The following CTTNBP2 variants were observed in gnomAD, a reference collection of about 807,000 sequenced individuals.
CTTNBP2 encodes cortactin binding protein 2.
In CTTNBP2, 108 loss-of-function variants were observed where a neutral mutation model predicts 156.9. The ratio of observed to expected loss-of-function variants is 0.69; its 90% CI spans 0.59 to 0.81. The LOEUF is 0.81. Among genes scored for constraint, CTTNBP2 ranks in the 30% least tolerant of loss-of-function variants. The pLI is 0.00. For missense variants in CTTNBP2, 1,924 were observed against 2,035.4 expected (o/e 0.95, Z 1.05); for synonymous variants, 767 against 751.8 (o/e 1.02, Z -0.33).
At chr7:117,724,805 A>T (rs1261996224) in intron 18 of CTTNBP2, 73 bp from the exon 19 acceptor site, 1 of 1,519,648 alleles carries the variant, frequency 6.6e-7, no homozygotes, top group Non-Finnish European at 9.0e-7. Context: ...CCGTTTCTCA[A>T]AGATACGGAC....
intron 22 of CTTNBP2, among the ~76,000 whole-genome samples, 157 bp from the exon 23 acceptor site, chr7:117,711,939 T>C (rs1028009909): frequency 1.3e-5 from 2 of 152,218 alleles, no homozygotes; most frequent in Non-Finnish European, 2.9e-5. Context: ...AGCTGAGTAA[T>C]TAATTTCCTA....
chr7:117,713,080 T>G (rs1016275901), intron 22 of CTTNBP2, among the ~76,000 whole-genome samples: 1 of 152,186 alleles, frequency 6.6e-6, no homozygotes, highest in Non-Finnish European at 1.5e-5. Flanking sequence ...GTGAGGGGTC[T>G]AGGTTGCCCA....
chr7:117,711,744 G>C lies in CTTNBP2; in HGVS notation c.4785C>G (p.Cys1595Trp), dbSNP rs1249382056. 6.2e-7 allele frequency: 1 copy of C among 1,613,724 alleles called. No individual in the cohort carries two copies. The highest frequency in any genetic ancestry group is 1.7e-5 in the Admixed American group (1 of 59,968). Residue 1595 changes from cysteine to tryptophan, a missense_variant, in exon 23 of 23, where the codon TGC becomes TGG. Transcript: ENST00000160373. ...SPLSSHQTTECSNSKSKTELG... is the reference protein window; with the variant it reads ...SPLSSHQTTEWSNSKSKTELG... ...ACTCAGTCTTTGATTTACTGTTGCT[G>C]CATTCAGTAGTTTGATGGCTGCTGA...
In CTTNBP2 at chr7:117,873,338, CGCCTCCGCCGCG is replaced by C; in HGVS notation, c.66_77del (p.Ala24_Ala27del). 1 of 1,445,568 alleles carries C rather than the reference CGCCTCCGCCGCG, an allele frequency of 6.9e-7. No homozygotes were observed. The highest frequency in any genetic ancestry group is 1.5e-5 in the African/African-American group (1 of 67,670). 89.5% of individuals were successfully genotyped at this position (1,445,568 alleles called of 1,614,324 possible). A position where few individuals can be genotyped will look rare whatever the true frequency, so the allele number is the denominator to read the frequency against. On this transcript the variant is annotated inframe_deletion, in exon 1 of 23. Transcript: ENST00000160373. ...CCCGCCCCGGGAACTCGGTTACCGC[CGCCTCCGCCGCG>C]GCCCCCGCCGCGTCCTCCGGGGCCC...
At chr7:117,744,499 G>A (rs754078250) in intron 14 of CTTNBP2, among the ~76,000 whole-genome samples, 3 of 152,126 alleles carry the variant, frequency 2.0e-5, no homozygotes, top group Non-Finnish European at 2.9e-5. Flanking sequence ...CCGTGTTGTT[G>A]CAAATGACAG....
intron 19 of CTTNBP2, among the ~76,000 whole-genome samples, chr7:117,722,204 T>A (rs1003039374): frequency 6.6e-6 from 1 of 151,576 alleles, no homozygotes; most frequent in African/African-American, 2.4e-5. Flanking sequence ...TGTCTCTTTA[T>A]CAAATTTGAT....
At chr7:117,822,116 AT>A (rs934481952) in intron 2 of CTTNBP2, among the ~76,000 whole-genome samples, 1 of 152,104 alleles carries the variant, frequency 6.6e-6, no homozygotes, top group African/African-American at 2.4e-5. Flanking sequence ...TCCTTCCTGT[AT>A]TAGTTTTATA....
intron 1 of CTTNBP2, among the ~76,000 whole-genome samples, chr7:117,864,797 C>CAATATATATTCATATATATTCATTCAATA (rs766176284): frequency 5.1e-4 from 41 of 80,010 alleles, no homozygotes; most frequent in African/African-American, 7.6e-4. Flanking sequence ...TATATTCATT[C>CAATATATATTCATATATATTCATTCAATA]TATATTCATA....
In CTTNBP2 at chr7:117,784,262, T is replaced by C. The variant is rs1322768357; in HGVS notation, c.2261A>G (p.Asn754Ser). Residue 754 changes from asparagine (N) to serine (S), a missense_variant, in exon 5 of 23, where the codon AAT becomes AGT. Physicochemically the swap from Asn to Ser is conservative, Grantham distance 46 (BLOSUM62 1). Coordinates refer to ENST00000160373, the MANE Select transcript of CTTNBP2 (RefSeq NM_033427.3). ...GHSALYSAAK[N>S]GHTDCVRLLL... ...CTCGCCATATTTACCTGTATGTCCA[T>C]TCTTAGCAGCAGAATACAAGGCAGA... 2 of 1,607,850 alleles carry C rather than the reference T, an allele frequency of 1.2e-6. No homozygotes were observed. The highest frequency in any genetic ancestry group is 1.7e-6 in the Non-Finnish European group (2 of 1,177,922).
intron 4 of CTTNBP2, among the ~76,000 whole-genome samples, chr7:117,785,741 C>A (rs1192233094): frequency 2.0e-5 from 3 of 152,260 alleles, no homozygotes; most frequent in African/African-American, 4.8e-5. Flanking sequence ...TATCCACTAC[C>A]ACCTGTAAAA....
chr7:117,829,961 T>A lies in CTTNBP2; in HGVS notation c.190-18972A>T, dbSNP rs376123228. On this transcript the variant is annotated intron_variant, in intron 2 of 22. Transcript: ENST00000160373. ...TACCAAGCACATGGATTCTTGCAGC[T>A]GTGTTTGAGAAAGATAACATGTACT... 2.0e-5 allele frequency among the ~76,000 whole-genome samples: 3 copies of A among 152,328 alleles called. No individual in the cohort carries two copies. The South Asian group carries it at 6.2e-4, about 32-fold the overall frequency.
At chr7:117,794,260 G>A (rs1799194186) in intron 3 of CTTNBP2, among the ~76,000 whole-genome samples, 2 of 152,114 alleles carry the variant, frequency 1.3e-5, no homozygotes, top group South Asian at 2.1e-4. Flanking sequence ...GTCATGAGGG[G>A]CTCATGAAGG....
Position 117,784,345 on chromosome 7 carries a change from T to C in CTTNBP2, c.2178A>G (p.Leu726=). The change falls in exon 5 of 23, where the codon TTA becomes TTG. Residue 726 remains leucine (L), a synonymous_variant. Transcript: ENST00000160373. The part of the protein sequence containing the change: ...QAAAQGNVTL[L]SMLLNEEGLD... ...GTCCTTCTTCATTAAGCAGCATTGATAATAAAGTGACATTTCCCTGGGCAG... is the reference window on the plus strand; with the variant it reads ...GTCCTTCTTCATTAAGCAGCATTGACAATAAAGTGACATTTCCCTGGGCAG... 1.2e-6 allele frequency: 2 copies of C among 1,613,958 alleles called. No individual in the cohort carries two copies. Among genetic ancestry groups the C allele is most frequent in the Non-Finnish European group, 1.7e-6 (2 of 1,179,992 alleles).
Position 117,714,223 on chromosome 7 carries a change from C to T in CTTNBP2, c.4747-2441G>A, listed in dbSNP as rs1039083398. The T allele has an allele frequency of 2.6e-5, 4 of 152,156 alleles. No individual in the cohort carries two copies. In the East Asian group the frequency reaches 7.7e-4, roughly 29 times the overall value. 9.4% of individuals were successfully genotyped at this position (152,156 alleles called of 1,614,324 possible). ...GAAAATGAGAAGTTACATTGCTTGT[C>T]ATGAGTTGGATGGTGATAGTCACAA... On this transcript the variant is annotated intron_variant, in intron 22 of 22. Transcript: ENST00000160373.
intron 2 of CTTNBP2, among the ~76,000 whole-genome samples, chr7:117,820,172 G>A (rs1464386622): frequency 1.3e-5 from 2 of 152,178 alleles, no homozygotes; most frequent in Admixed American, 6.5e-5. Flanking sequence ...GTATACAAGT[G>A]CTGCACTGTT....
At chr7:117,724,101 C>T (rs1794952914) in intron 19 of CTTNBP2, among the ~76,000 whole-genome samples, 1 of 151,892 alleles carries the variant, frequency 6.6e-6, no homozygotes, top group South Asian at 2.1e-4. Flanking sequence ...ACACGTCATA[C>T]ATAAGAAAGA....
intron 12 of CTTNBP2, among the ~76,000 whole-genome samples, chr7:117,750,527 G>C (rs371052238): frequency 6.6e-6 from 1 of 151,966 alleles, no homozygotes; most frequent in Non-Finnish European, 1.5e-5. Flanking sequence ...CATTTCATTC[G>C]TAGGTTTCTC....
At chr7:117,771,168 AAG>A (rs1331520876) in intron 8 of CTTNBP2, among the ~76,000 whole-genome samples, 1 of 152,108 alleles carries the variant, frequency 6.6e-6, no homozygotes. Flanking sequence ...GGGGTGAGGG[AAG>A]TGCCAGGCTC....
chr7:117,790,864 T>C (rs1453137870), intron 4 of CTTNBP2, among the ~76,000 whole-genome samples: 1 of 152,202 alleles, frequency 6.6e-6, no homozygotes, highest in Non-Finnish European at 1.5e-5. Context: ...ATGGTCTCCA[T>C]GTGCTTTAAG....
Sources: allele counts gnomAD v4.1 joint callset (sites outside exome capture counted in the v4.1 genomes callset), GRCh38; gene constraint gnomAD v4.1.1; transcripts MANE v1.5; gene names NCBI Gene and HGNC (gene_info 2026-07-23, HGNC 2026-07-21).